FOXN1: variants seen among roughly 807,000 people sequenced by gnomAD.
FOXN1 encodes the protein forkhead box N1.
FOXN1 carries 15 observed loss-of-function variants against 49.0 expected under a neutral mutation model. The ratio of observed to expected loss-of-function variants is 0.31; its 90% confidence interval spans 0.20 to 0.47. The LOEUF (loss-of-function observed/expected upper bound fraction) is 0.47. Among genes scored for constraint, FOXN1 ranks in the 20% least tolerant of loss-of-function variants. The pLI, the probability that FOXN1 is intolerant of heterozygous loss-of-function variation, is 1.00. For missense variants in FOXN1, 800 were observed against 842.8 expected, an observed-to-expected ratio of 0.95 and a Z score of 0.63; for synonymous variants, 356 against 369.0, an observed-to-expected ratio of 0.96 and a Z score of 0.40.
chr17:28,537,018 C>A, intron 8 of FOXN1, 99 bp from the exon 9 acceptor site: 2 of 941,534 alleles, frequency 2.1e-6, no homozygotes, highest in South Asian at 2.6e-5. Flanking sequence ...CACCCTGACC[C>A]CTGCTCTCTG....
At chr17:28,526,136 C>T (rs2069761333) in intron 3 of FOXN1, among the ~76,000 whole-genome samples, 1 of 152,172 alleles carries the variant, frequency 6.6e-6, no homozygotes, top group South Asian at 2.1e-4. Flanking sequence ...ACACCCTTGC[C>T]CTCCCACACA....
chr17:28,512,490 C>T (rs1555607157), intron 1 of FOXN1, among the ~76,000 whole-genome samples: 1 of 152,236 alleles, frequency 6.6e-6, no homozygotes, highest in Non-Finnish European at 1.5e-5. Context: ...CAAAAAATCC[C>T]TGGGAATAGG....
intron 1 of FOXN1, among the ~76,000 whole-genome samples, chr17:28,518,790 A>C (rs1052504706): frequency 6.6e-6 from 1 of 152,040 alleles, no homozygotes; most frequent in African/African-American, 2.4e-5. Flanking sequence ...CATGGCTCTC[A>C]AGAACTGAGA....
chr17:28,521,498 C>A (rs1333286740), intron 1 of FOXN1, among the ~76,000 whole-genome samples: 1 of 152,246 alleles, frequency 6.6e-6, no homozygotes, highest in Non-Finnish European at 1.5e-5. Flanking sequence ...GGCAGTGATG[C>A]GGAGCGGGAG....
rs147073952 is a variant in FOXN1, at chr17:28,537,301, C to T, written c.1812C>T (p.Gly604=). 8.7e-6 allele frequency: 14 copies of T among 1,613,758 alleles called. No homozygotes were observed. The highest frequency in any genetic ancestry group is 1.1e-5 in the South Asian group (1 of 91,074). ...AGDLAAPGSG[G]SGALGDLHLT... ...ACTTGGCAGCCCCGGGCAGTGGTGG[C>T]TCCGGGGCACTGGGTGACCTGCACC... Residue 604 remains glycine, a synonymous_variant, in exon 9 of 9, where the codon GGC becomes GGT. Transcript: ENST00000579795.
intron 1 of FOXN1, among the ~76,000 whole-genome samples, chr17:28,517,962 AGGGTACATGCCTCCAC>A: frequency 6.7e-6 from 1 of 149,286 alleles, no homozygotes; most frequent in South Asian, 2.1e-4. Context: ...ACACCTCCAC[AGGGTACATGCCTCCAC>A]TGGGTACACA....
intron 1 of FOXN1, among the ~76,000 whole-genome samples, chr17:28,523,615 C>G (rs1283529542): frequency 6.6e-6 from 1 of 152,186 alleles, no homozygotes; most frequent in Non-Finnish European, 1.5e-5. Flanking sequence ...AGAGGCAGAG[C>G]CCAGCTGGGA....
intron 1 of FOXN1, among the ~76,000 whole-genome samples, chr17:28,522,464 T>C (rs948693218): frequency 6.6e-6 from 1 of 152,188 alleles, no homozygotes; most frequent in Admixed American, 6.5e-5. Context: ...CTGGCCAAAA[T>C]AGTGAAATCC....
At chr17:28,516,671 C>G (rs2069511849) in intron 1 of FOXN1, among the ~76,000 whole-genome samples, 1 of 146,918 alleles carries the variant, frequency 6.8e-6, no homozygotes, top group Non-Finnish European at 1.5e-5. Context: ...TCCACAGGAT[C>G]CATACCATCA....
At chr17:28,537,032 C>A in intron 8 of FOXN1, 85 bp from the exon 9 acceptor site, 2 of 1,022,004 alleles carry the variant, frequency 2.0e-6, no homozygotes, top group Non-Finnish European at 3.1e-6. Flanking sequence ...CTCTCTGCAG[C>A]ATGTGAAGAT....
chr17:28,535,817 G>A (rs1387403176), intron 8 of FOXN1, among the ~76,000 whole-genome samples: 4 of 152,204 alleles, frequency 2.6e-5, no homozygotes, highest in Admixed American at 2.0e-4. Context: ...TTCTATACTC[G>A]ATTGTGAGTG....
chr17:28,537,739 G>A lies in FOXN1; in HGVS notation c.*303G>A. 1 of 514,434 alleles carries A rather than the reference G, an allele frequency of 1.9e-6. No homozygotes were observed. The highest frequency in any genetic ancestry group is 3.5e-5 in the East Asian group (1 of 28,582). The allele number at this position is 514,434 out of a possible 1,614,324, so 31.9% of individuals were successfully genotyped here. Reference sequence around the variant, plus strand: ...CACTCATCCACACTTAAGCCCTCGTGCACACACACAAATTATTCAGATGTA... The same window carrying A: ...CACTCATCCACACTTAAGCCCTCGTACACACACACAAATTATTCAGATGTA... On this transcript the variant is annotated 3_prime_UTR_variant, in exon 9 of 9. Coordinates refer to ENST00000579795, the MANE Select transcript of FOXN1 (RefSeq NM_001369369.1).
At chr17:28,519,072 G>T (rs536763978) in intron 1 of FOXN1, among the ~76,000 whole-genome samples, 2 of 152,180 alleles carry the variant, frequency 1.3e-5, no homozygotes, top group African/African-American at 4.8e-5. Flanking sequence ...GGGAAGAAAT[G>T]GGCACAATTG....
At chr17:28,528,879 A>G (rs1435757525) in intron 4 of FOXN1, among the ~76,000 whole-genome samples, 1 of 152,172 alleles carries the variant, frequency 6.6e-6, no homozygotes, top group Non-Finnish European at 1.5e-5. Flanking sequence ...GAGCTGGAGG[A>G]AGAGGGTTTT....
At chr17:28,508,296 A>G (rs1399010659) in intron 1 of FOXN1, among the ~76,000 whole-genome samples, 1 of 152,144 alleles carries the variant, frequency 6.6e-6, no homozygotes, top group African/African-American at 2.4e-5. Context: ...CTGACGCCAC[A>G]TTGCCTCCAA....
chr17:28,516,860 A>T (rs2069518386), intron 1 of FOXN1, among the ~76,000 whole-genome samples: 2 of 58,300 alleles, frequency 3.4e-5, no homozygotes, highest in Non-Finnish European at 8.6e-5. Context: ...CACAGGGTAC[A>T]CAACTCCACT....
At chr17:28,526,915 C>T (rs2069782470) in intron 3 of FOXN1, among the ~76,000 whole-genome samples, 1 of 152,104 alleles carries the variant, frequency 6.6e-6, no homozygotes, top group Non-Finnish European at 1.5e-5. Context: ...TCAGGCGTGT[C>T]GAGTGAGGTC....
intron 1 of FOXN1, among the ~76,000 whole-genome samples, chr17:28,522,863 C>A (rs1456355590): frequency 6.6e-6 from 1 of 151,776 alleles, no homozygotes; most frequent in Non-Finnish European, 1.5e-5. Context: ...GTGAGAACCA[C>A]ACTCACAATA....
At chr17:28,531,315 C>A (rs535881233) in intron 6 of FOXN1, among the ~76,000 whole-genome samples, 3 of 152,208 alleles carry the variant, frequency 2.0e-5, no homozygotes, top group Admixed American at 1.3e-4. Flanking sequence ...CTGTGGGTGG[C>A]AGGCTCAGCT....
Sources: allele counts gnomAD v4.1 joint callset (sites outside exome capture counted in the v4.1 genomes callset), GRCh38; gene constraint gnomAD v4.1.1; transcripts MANE v1.5; gene names NCBI Gene and HGNC (gene_info 2026-07-23, HGNC 2026-07-21).